The following PPP6R3 variants were observed in gnomAD, a reference collection of about 807,000 sequenced individuals.
PPP6R3 encodes protein phosphatase 6 regulatory subunit 3, also known as serine/threonine-protein phosphatase 6 regulatory subunit 3.
A neutral mutation model predicts 110.7 loss-of-function variants in PPP6R3; 38 were observed. The observed-to-expected ratio is 0.34, with a 90% CI of 0.26 to 0.45. The LOEUF (loss-of-function observed/expected upper bound fraction) is 0.45. PPP6R3 is among the 20% of genes least tolerant of loss of function. PPP6R3 has a pLI of 1.00. For missense variants in PPP6R3, 870 were observed against 1,062.4 expected (o/e 0.82, Z 2.52); for synonymous variants, 369 against 373.5 (o/e 0.99, Z 0.14).
Position 68,544,818 on chromosome 11 carries a change from T to C in PPP6R3, c.228-20T>C. The stretch of plus-strand genomic sequence containing the variant: ...TAAACTGTTAATAAAGATGATGATG[T>C]AAATATCCTGTTCTTCTAGGTATCC... On this transcript the variant is annotated intron_variant, in intron 3 of 23. Coordinates refer to ENST00000393800, the MANE Select transcript of PPP6R3 (RefSeq NM_001164161.2). The C allele has an allele frequency of 6.6e-7, 1 of 1,523,634 alleles. No individual in the cohort carries two copies. Among genetic ancestry groups the C allele is most frequent in the Non-Finnish European group, 9.0e-7 (1 of 1,107,076 alleles). 94.4% of individuals were successfully genotyped at this position (1,523,634 alleles called of 1,614,324 possible). A position where few individuals can be genotyped will look rare whatever the true frequency, so the allele number is the denominator to read the frequency against.
chr11:68,600,786 G>C (rs2099629470), intron 20 of PPP6R3, among the ~76,000 whole-genome samples: 1 of 152,146 alleles, frequency 6.6e-6, no homozygotes, highest in African/African-American at 2.4e-5. Flanking sequence ...ATGCATCTCC[G>C]TGAGCTTTTC....
chr11:68,525,530 G>A (rs761780947), intron 2 of PPP6R3, among the ~76,000 whole-genome samples: 13 of 152,170 alleles, frequency 8.5e-5, no homozygotes, highest in Non-Finnish European at 1.9e-4. Flanking sequence ...AAGGTTAACA[G>A]TTTATTGCTG....
At chr11:68,602,046 G>A (rs2099633468) in intron 21 of PPP6R3, 77 bp downstream of exon 21, 9 of 1,179,418 alleles carry the variant, frequency 7.6e-6, no homozygotes, top group Non-Finnish European at 1.1e-5. Flanking sequence ...CTCAGGCTCA[G>A]GGGCTAGTGG....
At chr11:68,573,067 A>G (rs181998437) in intron 12 of PPP6R3, among the ~76,000 whole-genome samples, 1 of 137,558 alleles carries the variant, frequency 7.3e-6, no homozygotes, top group Admixed American at 7.6e-5. Flanking sequence ...AAATCTTGGC[A>G]CTTTGTAAAT....
chr11:68,607,172 T>G (rs1940587574), intron 22 of PPP6R3, among the ~76,000 whole-genome samples: 1 of 152,148 alleles, frequency 6.6e-6, no homozygotes. Context: ...ACTCTAAAAT[T>G]TATATGGAAA....
At chr11:68,602,061 C>A in intron 21 of PPP6R3, 92 bp downstream of exon 21, 1 of 995,798 alleles carries the variant, frequency 1.0e-6, no homozygotes, top group Non-Finnish European at 1.5e-6. Flanking sequence ...TAGTGGAGCC[C>A]GGGAGTGAGA....
intron 5 of PPP6R3, 85 bp downstream of exon 5, chr11:68,548,289 G>A: frequency 6.5e-7 from 1 of 1,541,528 alleles, no homozygotes; most frequent in Non-Finnish European, 8.8e-7. Flanking sequence ...GGGAAGGAAT[G>A]CATGGGATTA....
Position 68,499,503 on chromosome 11 carries a change from G to A in PPP6R3, c.-157-19998G>A, listed in dbSNP as rs79969416. Among the ~76,000 whole-genome samples, 1,082 of 152,188 alleles carry A rather than the reference G, an allele frequency of 7.1e-3. 13 individuals carry two copies. Among genetic ancestry groups the A allele is most frequent in the African/African-American group, 0.025 (1,030 of 41,512 alleles). ...CCTAAGTGGAAGCTATCATTTTTGTGACCTAGTCTTGGAAGTCACGTAGCA... is the reference window on the plus strand; with the variant it reads ...CCTAAGTGGAAGCTATCATTTTTGTAACCTAGTCTTGGAAGTCACGTAGCA... On this transcript the variant is annotated intron_variant, in intron 1 of 23. Transcript: ENST00000393800.
intron 2 of PPP6R3, among the ~76,000 whole-genome samples, chr11:68,535,799 T>TAAAAAA (rs1269536453): frequency 1.3e-5 from 1 of 78,388 alleles, no homozygotes; most frequent in African/African-American, 4.7e-5. Context: ...CCGTCTCTAC[T>TAAAAAA]AAAAAAAAAA....
At chr11:68,546,832 T>G (rs927624912) in intron 4 of PPP6R3, among the ~76,000 whole-genome samples, 1 of 152,212 alleles carries the variant, frequency 6.6e-6, no homozygotes, top group Non-Finnish European at 1.5e-5. Flanking sequence ...GATTTATTCC[T>G]TTGGGCTCCA....
intron 14 of PPP6R3, among the ~76,000 whole-genome samples, chr11:68,578,573 G>T (rs140922033): frequency 8.2e-4 from 125 of 152,260 alleles, no homozygotes; most frequent in African/African-American, 2.7e-3. Context: ...TTAAGTTAGT[G>T]CATTGTTAAC....
chr11:68,612,750 C>A, intron 23 of PPP6R3: 1 of 297,578 alleles, frequency 3.4e-6, no homozygotes, highest in Non-Finnish European at 6.3e-6. Context: ...GCTCTGGAAG[C>A]CACAGTTTAT....
At chr11:68,516,705 A>G (rs2099138949) in intron 1 of PPP6R3, among the ~76,000 whole-genome samples, 1 of 152,204 alleles carries the variant, frequency 6.6e-6, no homozygotes, top group Non-Finnish European at 1.5e-5. Flanking sequence ...TTTTGAGTGT[A>G]GAACCATAAG....
At chr11:68,508,243 C>A (rs755133992) in intron 1 of PPP6R3, among the ~76,000 whole-genome samples, 3 of 150,020 alleles carry the variant, frequency 2.0e-5, no homozygotes, top group Non-Finnish European at 4.4e-5. Context: ...ATTCTCCTGC[C>A]TCAGTCTCCC....
chr11:68,583,454 A>G (rs1593569662), intron 15 of PPP6R3, among the ~76,000 whole-genome samples: 1 of 152,240 alleles, frequency 6.6e-6, no homozygotes, highest in South Asian at 2.1e-4. Context: ...TGTTGCTTAA[A>G]GATTTGTGTA....
chr11:68,485,084 C>G (rs923756431), intron 1 of PPP6R3, among the ~76,000 whole-genome samples: 8 of 151,854 alleles, frequency 5.3e-5, no homozygotes, highest in African/African-American at 1.9e-4. Flanking sequence ...TATAGTTTTC[C>G]TTATATAGAT....
intron 2 of PPP6R3, among the ~76,000 whole-genome samples, chr11:68,524,944 C>G (rs994189800): frequency 6.6e-6 from 1 of 152,232 alleles, no homozygotes; most frequent in Non-Finnish European, 1.5e-5. Flanking sequence ...TCTTCCTGAA[C>G]TTGTCCTGAG....
chr11:68,579,810 G>A (rs1326876160), intron 14 of PPP6R3, among the ~76,000 whole-genome samples: 2 of 152,208 alleles, frequency 1.3e-5, no homozygotes, highest in Non-Finnish European at 2.9e-5. Flanking sequence ...TGCTCCAGTT[G>A]CCTCAGTATT....
intron 1 of PPP6R3, among the ~76,000 whole-genome samples, chr11:68,462,739 C>T (rs2098717249): frequency 6.6e-6 from 1 of 152,100 alleles, no homozygotes; most frequent in Admixed American, 6.5e-5. Flanking sequence ...AATCCTTTAC[C>T]GCTTGCCCGA....
Sources: gnomAD v4.1 joint callset for allele counts (sites outside exome capture counted in the v4.1 genomes callset) on GRCh38, gnomAD v4.1.1 for gene constraint, MANE v1.5 for transcripts, NCBI Gene and HGNC (gene_info 2026-07-23, HGNC 2026-07-21) for gene names.